PRKG1: variants seen among roughly 807,000 people sequenced by gnomAD.
PRKG1 encodes the protein protein kinase cGMP-dependent 1.
Under a neutral mutation model 88.1 loss-of-function variants are expected in PRKG1, and 35 were observed. The observed-to-expected ratio is 0.40, with a 90% confidence interval of 0.30 to 0.53. The LOEUF (loss-of-function observed/expected upper bound fraction) is 0.53. Ranked by LOEUF, PRKG1 falls within the 20% of genes least tolerant of loss-of-function variation. The pLI is 0.59. For synonymous variants in PRKG1, 303 were observed against 292.5 expected, an observed-to-expected ratio of 1.04 and a Z score of -0.37; for missense variants, 540 against 839.8, an observed-to-expected ratio of 0.64 and a Z score of 4.41.
chr10:52,263,112 T>A (rs1050641695), intron 10 of PRKG1, among the ~76,000 whole-genome samples: 2 of 152,084 alleles, frequency 1.3e-5, no homozygotes, highest in Non-Finnish European at 2.9e-5. Flanking sequence ...CCTAATTTTT[T>A]AAAAAATAAG....
intron 5 of PRKG1, among the ~76,000 whole-genome samples, chr10:52,034,693 G>T (rs566405152): frequency 1.4e-4 from 21 of 151,876 alleles, no homozygotes; most frequent in Non-Finnish European, 2.8e-4. Flanking sequence ...GTGTAAACCG[G>T]CAGTGTAAAC....
intron 2 of PRKG1, among the ~76,000 whole-genome samples, chr10:51,396,165 C>A (rs1029105400): frequency 6.6e-6 from 1 of 151,964 alleles, no homozygotes. Flanking sequence ...GTGGGTGGAT[C>A]GCTTGAGGCC....
chr10:51,146,800 A>C (rs528110381), intron 1 of PRKG1, among the ~76,000 whole-genome samples: 1 of 152,260 alleles, frequency 6.6e-6, no homozygotes, highest in African/African-American at 2.4e-5. Context: ...CTGGGTATTT[A>C]TTCAAAGGAA....
At chr10:52,173,209 G>A (rs1838758821) in intron 9 of PRKG1, among the ~76,000 whole-genome samples, 1 of 152,170 alleles carries the variant, frequency 6.6e-6, no homozygotes, top group South Asian at 2.1e-4. Flanking sequence ...CTGTTAAGGT[G>A]CTTGCTTTAT....
intron 3 of PRKG1, among the ~76,000 whole-genome samples, chr10:51,505,685 C>T (rs1382091331): frequency 6.6e-6 from 1 of 152,054 alleles, no homozygotes; most frequent in African/African-American, 2.4e-5. Context: ...CAACTTCTTC[C>T]TGGTTTAGTC....
chr10:51,209,896 C>A (rs895213686), intron 2 of PRKG1, among the ~76,000 whole-genome samples: 1 of 152,052 alleles, frequency 6.6e-6, no homozygotes, highest in African/African-American at 2.4e-5. Context: ...TTTTTCATAC[C>A]TATTACTTTT....
chr10:51,890,851 G>C (rs1354271704), intron 4 of PRKG1, among the ~76,000 whole-genome samples: 1 of 152,326 alleles, frequency 6.6e-6, no homozygotes, highest in African/African-American at 2.4e-5. Context: ...AGCTCCTCAA[G>C]AGGCTGAGGC....
At chr10:51,335,609 G>A (rs1026328407) in intron 2 of PRKG1, among the ~76,000 whole-genome samples, 2 of 152,008 alleles carry the variant, frequency 1.3e-5, no homozygotes, top group African/African-American at 4.8e-5. Context: ...TCGGCTTACT[G>A]CAAACTCGGC....
chr10:51,402,272 C>T (rs893661605), intron 2 of PRKG1, among the ~76,000 whole-genome samples: 7 of 152,198 alleles, frequency 4.6e-5, no homozygotes, highest in Non-Finnish European at 1.0e-4. Flanking sequence ...AGCCAACCAC[C>T]TTCTTGATAT....
chr10:51,928,429 C>G (rs543019138), intron 5 of PRKG1, among the ~76,000 whole-genome samples: 1 of 152,284 alleles, frequency 6.6e-6, no homozygotes, highest in African/African-American at 2.4e-5. Context: ...AGCCATGATG[C>G]TAATGCTGGC....
rs568917054 is a variant in PRKG1, at chr10:51,598,835, A to G, written c.592+130999A>G. ...TTTTTCCAAATAAAATCTTAGAGTG[A>G]ATGGGAAACAATTTAAAAATAAAAG... On this transcript the variant is annotated intron_variant, in intron 3 of 17. Transcript: ENST00000373980. Among the ~76,000 whole-genome samples the G allele has an allele frequency of 1.2e-3, 182 of 152,274 alleles. 1 individual carries two copies. The highest frequency in any genetic ancestry group is 2.2e-3 in the Non-Finnish European group (148 of 68,018).
chr10:51,190,531 G>A (rs1331171081), intron 2 of PRKG1, among the ~76,000 whole-genome samples: 1 of 151,836 alleles, frequency 6.6e-6, no homozygotes, highest in Non-Finnish European at 1.5e-5. Flanking sequence ...GTGGAAGACA[G>A]GAAGATAGGC....
intron 3 of PRKG1, among the ~76,000 whole-genome samples, chr10:51,736,618 T>C (rs1837287885): frequency 6.6e-6 from 1 of 151,610 alleles, no homozygotes; most frequent in Non-Finnish European, 1.5e-5. Flanking sequence ...TTTTTTTTTT[T>C]TTTTTAAGAG....
chr10:51,032,266 T>G (rs540879757), intron 1 of PRKG1, among the ~76,000 whole-genome samples: 1 of 152,244 alleles, frequency 6.6e-6, no homozygotes, highest in East Asian at 1.9e-4. Flanking sequence ...CTGCTGGTAT[T>G]TAGTATTGAC....
chr10:51,047,377 A>C (rs1843503509), intron 1 of PRKG1, among the ~76,000 whole-genome samples: 2 of 152,328 alleles, frequency 1.3e-5, no homozygotes, highest in Non-Finnish European at 2.9e-5. Context: ...TACATTTTGC[A>C]AAACACGTAG....
intron 2 of PRKG1, among the ~76,000 whole-genome samples, chr10:51,370,661 A>G (rs562716033): frequency 6.6e-6 from 1 of 152,204 alleles, no homozygotes; most frequent in East Asian, 1.9e-4. Context: ...TTTAGAAGCC[A>G]TATTAAAAAA....
intron 3 of PRKG1, among the ~76,000 whole-genome samples, chr10:51,475,168 T>G (rs1444401): frequency 1.3e-3 from 203 of 151,892 alleles, no homozygotes; most frequent in African/African-American, 4.8e-3. Context: ...GCTCCCTACC[T>G]CTATGTGTGG....
At chr10:51,087,752 T>A (rs545063617) in intron 1 of PRKG1, among the ~76,000 whole-genome samples, 1 of 152,320 alleles carries the variant, frequency 6.6e-6, no homozygotes, top group East Asian at 1.9e-4. Flanking sequence ...GCTACTATAT[T>A]CAATTTTGGT....
intron 2 of PRKG1, among the ~76,000 whole-genome samples, chr10:51,431,419 C>G (rs193219984): frequency 1.0e-3 from 158 of 152,302 alleles, no homozygotes; most frequent in Middle Eastern, 3.4e-3. Context: ...AGGCAAATGA[C>G]TTTGAATTGG....
Sources: allele counts gnomAD v4.1 joint callset (sites outside exome capture counted in the v4.1 genomes callset), GRCh38; gene constraint gnomAD v4.1.1; transcripts MANE v1.5; gene names NCBI Gene and HGNC (gene_info 2026-07-23, HGNC 2026-07-21).